The following DNM1L variants were observed in gnomAD, a reference collection of about 807,000 sequenced individuals.
DNM1L encodes dynamin 1L, also known as dynamin-1-like protein.
In DNM1L, 33 loss-of-function variants were observed where a neutral mutation model predicts 92.8. That is an observed-to-expected ratio of 0.36 (90% confidence interval 0.27 to 0.48). The LOEUF is 0.48. DNM1L is among the 20% of genes least tolerant of loss of function. The pLI, the probability that DNM1L is intolerant of heterozygous loss-of-function variation, is 0.99. For missense variants in DNM1L, 485 were observed against 888.8 expected (o/e 0.55, Z 5.78); for synonymous variants, 284 against 305.0 (o/e 0.93, Z 0.72).
intron 9 of DNM1L, among the ~76,000 whole-genome samples, chr12:32,724,542 C>T (rs964366270): frequency 3.6e-5 from 5 of 137,426 alleles, no homozygotes; most frequent in Non-Finnish European, 7.6e-5. Context: ...CACCACTGCA[C>T]TCCAGCCTGG....
Position 32,722,416 on chromosome 12 carries a change from A to C in DNM1L, c.873-11A>C. ...TTTACTTTTAAATCCTTCCTTTCTA[A>C]CCTTTTTTAGGTTACTGATGCATCA... On this transcript the variant is annotated splice_polypyrimidine_tract_variant and intron_variant, in intron 8 of 19. Coordinates refer to ENST00000549701, the MANE Select transcript of DNM1L (RefSeq NM_012062.5). The C allele has an allele frequency of 6.2e-7, 1 of 1,610,288 alleles. No individual in the cohort carries two copies.
chr12:32,715,594 T>C (rs539428875), intron 6 of DNM1L, among the ~76,000 whole-genome samples: 1 of 152,004 alleles, frequency 6.6e-6, no homozygotes, highest in South Asian at 2.1e-4. Flanking sequence ...TAGCCAGGCA[T>C]GGTGGTGCAT....
At chr12:32,723,936 C>CT (rs1313939976) in intron 9 of DNM1L, among the ~76,000 whole-genome samples, 2 of 152,168 alleles carry the variant, frequency 1.3e-5, no homozygotes, top group Non-Finnish European at 2.9e-5. Context: ...GACCTGAACA[C>CT]TAACTTCTCA....
chr12:32,705,480 A>G lies in DNM1L; in HGVS notation c.251-1887A>G, dbSNP rs144790689. The G allele has an allele frequency of 9.2e-3, 1,853 of 200,676 alleles. 27 individuals are homozygous for G. Among genetic ancestry groups the G allele is most frequent in the African/African-American group, 0.03 (1,294 of 43,386 alleles). 12.4% of individuals were successfully genotyped at this position (200,676 alleles called of 1,614,324 possible). On this transcript the variant is annotated intron_variant, in intron 2 of 19. Transcript: ENST00000549701. ...CCATCTGTAACTGACTGAACAGTCA[A>G]TTGAGATAACTACCTTCAGACAAGC...
intron 1 of DNM1L, among the ~76,000 whole-genome samples, chr12:32,693,410 A>C (rs970898621): frequency 6.6e-6 from 1 of 151,922 alleles, no homozygotes; most frequent in Admixed American, 6.6e-5. Flanking sequence ...TTTTCCCTGA[A>C]TTTTTTCTGT....
chr12:32,694,877 G>A (rs181622384), intron 1 of DNM1L, among the ~76,000 whole-genome samples: 326 of 152,258 alleles, frequency 2.1e-3, no homozygotes, highest in Non-Finnish European at 4.0e-3. Context: ...TTAAAGGGCC[G>A]ATTTTAGAAT....
chr12:32,707,189 C>T, intron 2 of DNM1L, 178 bp from the exon 3 acceptor site: 3 of 502,006 alleles, frequency 6.0e-6, no homozygotes, highest in Non-Finnish European at 1.1e-5. Flanking sequence ...TATAATTTAG[C>T]AGAAAATACA....
chr12:32,736,819 A>AT, intron 13 of DNM1L: 1 of 400,100 alleles, frequency 2.5e-6, no homozygotes, highest in Non-Finnish European at 4.6e-6. Flanking sequence ...GGGGGAGAAG[A>AT]TGGCAGTCTG....
At chr12:32,692,983 A>G (rs569651616) in intron 1 of DNM1L, 1 of 152,332 alleles carries the variant, frequency 6.6e-6, no homozygotes, top group South Asian at 2.1e-4. Flanking sequence ...AGTGTTTGCT[A>G]TAGCTGTTTT....
chr12:32,738,026 G>T (rs1955021760), intron 15 of DNM1L, 84 bp downstream of exon 15: 1 of 1,434,708 alleles, frequency 7.0e-7, no homozygotes, highest in Admixed American at 1.7e-5. Flanking sequence ...CTGAATAGAA[G>T]AATATTAATA....
At position 32,744,056 on chromosome 12, in the gene DNM1L, CAAATT is replaced by C. The variant is rs988352949; in HGVS notation, c.*650_*654del. Reference sequence around the variant, plus strand: ...CCAATTCTGGGTCCATTTGCACTAGCAAATTAAAATATGCTTTGATTCATACTTAA... The same window carrying C: ...CCAATTCTGGGTCCATTTGCACTAGCAAAATATGCTTTGATTCATACTTAA... On this transcript the variant is annotated 3_prime_UTR_variant, in exon 20 of 20. Coordinates refer to ENST00000549701, the MANE Select transcript of DNM1L (RefSeq NM_012062.5). 2.0e-5 allele frequency: 3 copies of C among 152,310 alleles called. No homozygotes were observed. Among genetic ancestry groups the C allele is most frequent in the African/African-American group, 7.2e-5 (3 of 41,444 alleles). 9.4% of individuals were successfully genotyped at this position (152,310 alleles called of 1,614,324 possible). A position where few individuals can be genotyped will look rare whatever the true frequency, so the allele number is the denominator to read the frequency against.
intron 1 of DNM1L, among the ~76,000 whole-genome samples, chr12:32,693,695 T>TGGCATGACCATGGCTCACTGCAGC (rs1952320753): frequency 6.6e-6 from 1 of 152,200 alleles, no homozygotes; most frequent in Admixed American, 6.5e-5. Flanking sequence ...TGGAGTGCAG[T>TGGCATGACCATGGCTCACTGCAGC]GGCATGACCA....
In DNM1L at chr12:32,731,788, A is replaced by T; in HGVS notation, c.1357-66A>T. The T allele has an allele frequency of 7.5e-7, 1 of 1,341,698 alleles. No individual in the cohort carries two copies. The highest frequency in any genetic ancestry group is 1.1e-6 in the Non-Finnish European group (1 of 938,046). The allele number at this position is 1,341,698 out of a possible 1,614,324, so 83.1% of individuals were successfully genotyped here. ...GGAGGCTAAGGTGGGAGGATGGCTT[A>T]GTGAGACTATGACTTAAAAAAAAAA... is the stretch of plus-strand genomic sequence containing the variant. On this transcript the variant is annotated intron_variant, in intron 11 of 19. Coordinates refer to ENST00000549701, the MANE Select transcript of DNM1L (RefSeq NM_012062.5). This position sits in a 1 kb window ranked among gnomAD's most constrained non-coding sequence, Gnocchi z 5.1.
At chr12:32,726,609 T>C in intron 9 of DNM1L, 1 of 1,114,808 alleles carries the variant, frequency 9.0e-7, no homozygotes, top group Non-Finnish European at 1.3e-6. Flanking sequence ...AGCTTCAGCA[T>C]CATCATCCAG....
chr12:32,731,747 T>G lies in DNM1L; in HGVS notation c.1357-107T>G. The G allele has an allele frequency of 9.8e-7, 1 of 1,023,570 alleles. No homozygotes were observed. Among genetic ancestry groups the G allele is most frequent in the Non-Finnish European group, 1.5e-6 (1 of 667,228 alleles). The allele number at this position is 1,023,570 out of a possible 1,614,324, so 63.4% of individuals were successfully genotyped here. Reference sequence around the variant, plus strand: ...AGCCTGGCATGGTGGCTTCTACATGTAGTCTCAGCTACTTGGGAGGCTAAG... The same window carrying G: ...AGCCTGGCATGGTGGCTTCTACATGGAGTCTCAGCTACTTGGGAGGCTAAG... On this transcript the variant is annotated intron_variant, in intron 11 of 19. Coordinates refer to ENST00000549701, the MANE Select transcript of DNM1L (RefSeq NM_012062.5). This position sits in a 1 kb window ranked among gnomAD's most constrained non-coding sequence, Gnocchi z 5.1.
At chr12:32,679,654 G>C in intron 1 of DNM1L, 189 bp downstream of exon 1, 4 of 1,295,828 alleles carry the variant, frequency 3.1e-6, no homozygotes, top group Non-Finnish European at 3.9e-6. Flanking sequence ...GGGCAGCGTT[G>C]CATCAAGGCG....
At chr12:32,703,056 TC>T (rs199923371) in intron 2 of DNM1L, among the ~76,000 whole-genome samples, 1,515 of 141,122 alleles carry the variant, frequency 0.011, 33 homozygotes, top group African/African-American at 0.036. Context: ...TCTCTCTCTC[TC>T]TTTTTTTTTT....
At chr12:32,718,984 C>T (rs1418312752) in intron 7 of DNM1L, among the ~76,000 whole-genome samples, 2 of 149,830 alleles carry the variant, frequency 1.3e-5, no homozygotes, top group Non-Finnish European at 1.5e-5. Context: ...TAGGGTCTCT[C>T]TCTGTTGCCT....
intron 9 of DNM1L, chr12:32,726,761 T>C: frequency 1.6e-6 from 1 of 614,764 alleles, no homozygotes; most frequent in Non-Finnish European, 3.0e-6. Flanking sequence ...CATTCTTTCC[T>C]TTTTTCCAAT....
Sources: allele counts gnomAD v4.1 joint callset (sites outside exome capture counted in the v4.1 genomes callset), GRCh38; gene constraint gnomAD v4.1.1; non-coding constraint Gnocchi (gnomAD v3.1); transcripts MANE v1.5; gene names NCBI Gene and HGNC (gene_info 2026-07-23, HGNC 2026-07-21).